Variants in ZCCHC4 observed in about 807,000 individuals in gnomAD.
ZCCHC4 encodes rRNA N(6)-adenosine-methyltransferase ZCCHC4.
In ZCCHC4, 54 loss-of-function variants were observed where a neutral mutation model predicts 67.7. The ratio of observed to expected loss-of-function variants is 0.80; its 90% CI spans 0.64 to 1.00. The LOEUF is 1.00. ZCCHC4 is among the 50% of genes least tolerant of loss of function. The pLI, the probability that ZCCHC4 is intolerant of heterozygous loss-of-function variation, is 0.00. For synonymous variants in ZCCHC4, 198 were observed against 213.5 expected (o/e 0.93, Z 0.63); for missense variants, 609 against 617.0 (o/e 0.99, Z 0.14).
chr4:25,319,988 G>T (rs970177315), intron 3 of ZCCHC4, among the ~76,000 whole-genome samples: 22 of 152,092 alleles, frequency 1.4e-4, no homozygotes, highest in Non-Finnish European at 2.8e-4. Context: ...AAAATCATTT[G>T]TAAGGACTTA....
chr4:25,362,518 A>G (rs962697083), intron 10 of ZCCHC4, among the ~76,000 whole-genome samples: 2 of 152,292 alleles, frequency 1.3e-5, no homozygotes, highest in East Asian at 1.9e-4. Flanking sequence ...CTCATTTTCA[A>G]ATGGTACTGT....
intron 3 of ZCCHC4, among the ~76,000 whole-genome samples, chr4:25,325,396 T>C (rs1041020396): frequency 6.7e-6 from 1 of 148,430 alleles, no homozygotes; most frequent in African/African-American, 2.5e-5. Context: ...GCCTCCTGAG[T>C]GGCTGGGATT....
intron 12 of ZCCHC4, among the ~76,000 whole-genome samples, chr4:25,367,147 T>A (rs1221397199): frequency 6.6e-6 from 1 of 152,194 alleles, no homozygotes; most frequent in South Asian, 2.1e-4. Context: ...AGCTATCTTA[T>A]ATTAATTTGT....
At chr4:25,355,470 T>A (rs185766427) in intron 8 of ZCCHC4, among the ~76,000 whole-genome samples, 207 of 152,268 alleles carry the variant, frequency 1.4e-3, no homozygotes, top group African/African-American at 4.8e-3. Flanking sequence ...GGTGTTCATG[T>A]CCTGAATTTT....
chr4:25,358,058 A>G (rs1001483515), intron 8 of ZCCHC4, among the ~76,000 whole-genome samples: 1 of 152,214 alleles, frequency 6.6e-6, no homozygotes, highest in Admixed American at 6.5e-5. Context: ...ATGCTTGTGG[A>G]TAATAGGTTG....
intron 8 of ZCCHC4, among the ~76,000 whole-genome samples, chr4:25,361,087 A>C (rs1360273624): frequency 6.6e-6 from 1 of 152,228 alleles, no homozygotes; most frequent in Non-Finnish European, 1.5e-5. Flanking sequence ...GCCATGTGGC[A>C]AGACCCTATA....
chr4:25,351,146 T>C (rs959191354), intron 7 of ZCCHC4, among the ~76,000 whole-genome samples: 4 of 152,226 alleles, frequency 2.6e-5, no homozygotes, highest in African/African-American at 4.8e-5. Context: ...GAATCTTCCA[T>C]GATGCAGACA....
At chr4:25,348,112 A>G (rs1210569128) in intron 6 of ZCCHC4, among the ~76,000 whole-genome samples, 1 of 152,184 alleles carries the variant, frequency 6.6e-6, no homozygotes, top group East Asian at 1.9e-4. Flanking sequence ...AGATTTCAAT[A>G]TCATCATCTG....
intron 3 of ZCCHC4, among the ~76,000 whole-genome samples, chr4:25,317,755 G>A (rs1315000763): frequency 2.0e-5 from 3 of 150,596 alleles, no homozygotes; most frequent in East Asian, 3.9e-4. Context: ...GCACTACTGT[G>A]AGGTAGGCAC....
chr4:25,315,179 G>A lies in ZCCHC4; in HGVS notation c.247-139G>A, dbSNP rs187042252. ...CTGCTCTAGAATTTTCCCAGTTTTC[G>A]CTGTTTTGTTTTCTCCTGAAATGAA... On this transcript the variant is annotated intron_variant, in intron 2 of 12. Coordinates refer to ENST00000302874, the MANE Select transcript of ZCCHC4 (RefSeq NM_024936.3). 5.3e-5 allele frequency: 35 copies of A among 656,080 alleles called. No individual in the cohort carries two copies. In the East Asian group the frequency reaches 9.2e-4, roughly 17 times the overall value. 40.6% of individuals were successfully genotyped at this position (656,080 alleles called of 1,614,324 possible). A position where few individuals can be genotyped will look rare whatever the true frequency, so the allele number is the denominator to read the frequency against.
chr4:25,321,276 CAG>C (rs762370416), intron 3 of ZCCHC4, among the ~76,000 whole-genome samples: 2 of 150,960 alleles, frequency 1.3e-5, no homozygotes, highest in Non-Finnish European at 2.9e-5. Context: ...TTTTTGGAGG[CAG>C]AGTTTCATCT....
intron 3 of ZCCHC4, 147 bp from the exon 4 acceptor site, chr4:25,333,036 T>C (rs1577737192): frequency 1.3e-6 from 1 of 760,522 alleles, no homozygotes; most frequent in East Asian, 2.7e-5. Context: ...CTAGCCAACA[T>C]TCCACAGATT....
At chr4:25,326,830 G>A (rs1718907229) in intron 3 of ZCCHC4, among the ~76,000 whole-genome samples, 1 of 152,100 alleles carries the variant, frequency 6.6e-6, no homozygotes. Context: ...TGACTGTGGT[G>A]TATCTCTTCA....
At chr4:25,346,246 AAAAAG>A (rs1417449288) in intron 6 of ZCCHC4, among the ~76,000 whole-genome samples, 2 of 152,180 alleles carry the variant, frequency 1.3e-5, no homozygotes, top group East Asian at 3.8e-4. Flanking sequence ...CTTTAAAAAA[AAAAAG>A]GACTGCAGTT....
intron 2 of ZCCHC4, 64 bp downstream of exon 2, chr4:25,314,228 G>A (rs1252112250): frequency 8.7e-6 from 9 of 1,031,378 alleles, no homozygotes; most frequent in East Asian, 7.1e-5. Flanking sequence ...TGTTGAGAAC[G>A]TGTAAACCAA....
At chr4:25,338,896 A>C (rs1233561100) in intron 5 of ZCCHC4, among the ~76,000 whole-genome samples, 1 of 152,218 alleles carries the variant, frequency 6.6e-6, no homozygotes, top group African/African-American at 2.4e-5. Flanking sequence ...ATAGGTTTTC[A>C]GATCTCTTGG....
intron 3 of ZCCHC4, among the ~76,000 whole-genome samples, chr4:25,332,403 G>A (rs1427891801): frequency 6.6e-6 from 1 of 150,444 alleles, no homozygotes; most frequent in African/African-American, 2.4e-5. Flanking sequence ...GACTCTCCAT[G>A]TTCCTCAATC....
intron 4 of ZCCHC4, among the ~76,000 whole-genome samples, 189 bp from the exon 5 acceptor site, chr4:25,333,719 T>A (rs1275559731): frequency 6.6e-6 from 1 of 152,242 alleles, no homozygotes; most frequent in Non-Finnish European, 1.5e-5. Context: ...ACCTCTCTGT[T>A]TCAGATAAGT....
intron 3 of ZCCHC4, among the ~76,000 whole-genome samples, chr4:25,323,774 A>G (rs186912038): frequency 4.3e-3 from 647 of 152,204 alleles, no homozygotes; most frequent in Non-Finnish European, 7.3e-3. Flanking sequence ...TAAATTGCAC[A>G]TATTTAAAAT....
Sources: gnomAD v4.1 joint callset for allele counts (sites outside exome capture counted in the v4.1 genomes callset) on GRCh38, gnomAD v4.1.1 for gene constraint, MANE v1.5 for transcripts, NCBI Gene and HGNC (gene_info 2026-07-23, HGNC 2026-07-21) for gene names.